The following STK31 variants were observed in gnomAD, a reference collection of about 807,000 sequenced individuals.
STK31 encodes the protein serine/threonine kinase 31.
Under a neutral mutation model 129.7 loss-of-function variants are expected in STK31, and 89 were observed. The ratio of observed to expected loss-of-function variants is 0.69; its 90% CI spans 0.58 to 0.82. STK31 has a LOEUF of 0.82. Ranked by LOEUF, STK31 falls within the 40% of genes least tolerant of loss-of-function variation. STK31 has a pLI of 0.00. For synonymous variants in STK31, 448 were observed against 395.3 expected, an observed-to-expected ratio of 1.13 and a Z score of -1.58; for missense variants, 1,187 against 1,176.4, an observed-to-expected ratio of 1.01 and a Z score of -0.13.
intron 22 of STK31, 148 bp from the exon 23 acceptor site, chr7:23,814,996 A>C: frequency 1.9e-6 from 1 of 520,936 alleles, no homozygotes; most frequent in Non-Finnish European, 3.3e-6. Flanking sequence ...ATTAGAATGA[A>C]AGTGCTTTTA....
intron 6 of STK31, among the ~76,000 whole-genome samples, chr7:23,734,664 G>C (rs1787613923): frequency 6.6e-6 from 1 of 152,128 alleles, no homozygotes; most frequent in African/African-American, 2.4e-5. Flanking sequence ...GTCTATTTAA[G>C]AGAGTTTTGA....
intron 22 of STK31, among the ~76,000 whole-genome samples, chr7:23,807,728 TG>T (rs1227337672): frequency 1.3e-5 from 2 of 151,940 alleles, no homozygotes; most frequent in African/African-American, 4.8e-5. Flanking sequence ...TTTATCAGGG[TG>T]TTTTTTTTTG....
Position 23,826,586 on chromosome 7 carries a change from T to C in STK31, c.2830-5550T>C, listed in dbSNP as rs1237233375. Among the ~76,000 whole-genome samples the C allele has an allele frequency of 1.1e-4, 16 of 152,360 alleles. No individual in the cohort carries two copies. In the East Asian group the frequency reaches 3.1e-3, roughly 29 times the overall value. On this transcript the variant is annotated intron_variant, in intron 23 of 23. Coordinates refer to ENST00000355870, the MANE Select transcript of STK31 (RefSeq NM_031414.5). ...GTCTGTGCCTTTTAATTGAAGCATT[T>C]AGCCCATTTACATTTAAGATTAATA... is the stretch of plus-strand genomic sequence containing the variant.
intron 22 of STK31, among the ~76,000 whole-genome samples, chr7:23,810,731 GATATATA>G (rs1793054353): frequency 1.6e-5 from 1 of 63,646 alleles, no homozygotes; most frequent in Non-Finnish European, 3.6e-5. Flanking sequence ...ATATAAAATA[GATATATA>G]TAAAATAGAT....
At position 23,737,078 on chromosome 7, in the gene STK31, G is replaced by A. The variant is rs781672719; in HGVS notation, c.1017G>A (p.Gln339=). Residue 339 remains glutamine, a splice_region_variant and synonymous_variant, in exon 8 of 24, where the codon CAG becomes CAA. Coordinates refer to ENST00000355870, the MANE Select transcript of STK31 (RefSeq NM_031414.5). ...TAGAGCAGATTGCCCAGGAGCTGCA[G>A]GTATGTTCAGTGGCTTAAGGTGAAG... ...LKVEQIAQEL[Q]QEKAAAVDLT... 6.2e-7 allele frequency: 1 copy of A among 1,600,608 alleles called. No individual in the cohort carries two copies. Among genetic ancestry groups the A allele is most frequent in the Admixed American group, 1.7e-5 (1 of 59,010 alleles).
intron 15 of STK31, among the ~76,000 whole-genome samples, chr7:23,780,013 G>A (rs948045362): frequency 6.6e-6 from 1 of 152,212 alleles, no homozygotes; most frequent in African/African-American, 2.4e-5. Context: ...GAAGACTGTT[G>A]GAAAAGCATA....
intron 23 of STK31, among the ~76,000 whole-genome samples, chr7:23,827,580 C>G (rs1794251724): frequency 2.6e-5 from 4 of 152,166 alleles, no homozygotes; most frequent in Non-Finnish European, 5.9e-5. Context: ...TCTTCTGAAG[C>G]CTTCCTCTCT....
intron 21 of STK31, among the ~76,000 whole-genome samples, chr7:23,789,191 T>G (rs188880094): frequency 1.3e-3 from 197 of 147,986 alleles, no homozygotes; most frequent in Non-Finnish European, 2.3e-3. Flanking sequence ...ATTTTGTTTA[T>G]ATATTCATCA....
chr7:23,755,219 G>A (rs1007486353), intron 10 of STK31: 1 of 152,086 alleles, frequency 6.6e-6, no homozygotes, highest in African/African-American at 2.4e-5. Context: ...ATCTTCTTGT[G>A]GTTTTGATTT....
At chr7:23,773,215 C>T (rs112018382) in intron 15 of STK31, among the ~76,000 whole-genome samples, 10,803 of 152,072 alleles carry the variant, frequency 0.071, 458 homozygotes, top group East Asian at 0.13. Flanking sequence ...CCCTGACAGG[C>T]CCAGTGTGTG....
intron 23 of STK31, among the ~76,000 whole-genome samples, chr7:23,821,856 T>C (rs1264386322): frequency 6.6e-6 from 1 of 152,138 alleles, no homozygotes; most frequent in Non-Finnish European, 1.5e-5. Flanking sequence ...GGTCTACTCT[T>C]ACTCTTTTGC....
At chr7:23,778,596 GA>G (rs1315799933) in intron 15 of STK31, among the ~76,000 whole-genome samples, 1 of 151,506 alleles carries the variant, frequency 6.6e-6, no homozygotes, top group Non-Finnish European at 1.5e-5. Context: ...TTCAATGTCT[GA>G]TATCCTTTCT....
In STK31 at chr7:23,717,532, G is replaced by A. The variant is rs773193165; in HGVS notation, c.202G>A (p.Val68Ile). 39 of 1,613,286 alleles carry A rather than the reference G, an allele frequency of 2.4e-5. No homozygotes were observed. In the South Asian group the frequency reaches 4.2e-4, roughly 17 times the overall value. The change falls in exon 4 of 24, where the codon GTT becomes ATT. Residue 68 changes from valine (V) to isoleucine (I), a missense_variant. Val to Ile is a conservative substitution (Grantham distance 29). This residue lies in a region of STK31 where 104 missense variants were observed against 98.3 expected (regional missense o/e 1.06). Transcript: ENST00000355870. ...GAAGATTGGTTGCTCACTGTCTGAA[G>A]TTTGCCCCCAGGCCAGTTCAGTTTT... ...IMKIGCSLSE[V>I]CPQASSVLGN... is the part of the protein sequence containing the mutation.
intron 6 of STK31, among the ~76,000 whole-genome samples, chr7:23,730,834 A>G (rs1314604643): frequency 1.4e-5 from 2 of 138,504 alleles, no homozygotes; most frequent in African/African-American, 5.2e-5. Flanking sequence ...GATTCTTTAT[A>G]TATGGTACTG....
At chr7:23,820,194 G>A (rs73086969) in intron 23 of STK31, among the ~76,000 whole-genome samples, 20,945 of 151,986 alleles carry the variant, frequency 0.14, 1,681 homozygotes, top group East Asian at 0.22. Context: ...AAGTACAGTC[G>A]TCCCTCTGTA....
At chr7:23,753,458 AC>A (rs1388393811) in intron 9 of STK31, among the ~76,000 whole-genome samples, 1 of 152,216 alleles carries the variant, frequency 6.6e-6, no homozygotes, top group Non-Finnish European at 1.5e-5. Flanking sequence ...AGATGTGGCC[AC>A]CTGCAACCCC....
Position 23,754,359 on chromosome 7 carries a change from C to G in STK31, c.1178C>G (p.Ala393Gly), listed in dbSNP as rs914517466. 4 of 1,613,884 alleles carry G rather than the reference C, an allele frequency of 2.5e-6. No individual in the cohort carries two copies. Among genetic ancestry groups the G allele is most frequent in the African/African-American group, 1.3e-5 (1 of 74,988 alleles). Residue 393 changes from alanine (A) to glycine (G), a missense_variant, in exon 10 of 24, where the codon GCT (alanine) becomes GGT (glycine). By Grantham distance (60) the Ala-to-Gly change is moderately conservative. Transcript: ENST00000355870. ...CGTTTCGGAAAAGACCTTTCAGATG[C>G]TATACAAGTGTTGGATGAAGGGTGC... ...SVRFGKDLSD[A>G]IQVLDEGCFT...
rs144732526 is a variant in STK31, at chr7:23,771,045, A to G, written c.1754A>G (p.Tyr585Cys). 1.1e-4 allele frequency: 177 copies of G among 1,612,628 alleles called. No individual in the cohort carries two copies. In the African/African-American group the frequency reaches 2.1e-3, roughly 19 times the overall value. ...DADKEIISNT[Y>C]SQVLQKIHSE... ...GACAAGGAGATAATTTCAAATACAT[A>G]TAGTCAAGTACTGCAAAAGATTCAT... is the stretch of plus-strand genomic sequence containing the variant. Residue 585 changes from tyrosine (Y) to cysteine (C), a missense_variant, in exon 14 of 24, where the codon TAT (tyrosine) becomes TGT (cysteine). Physicochemically the swap from Tyr to Cys is radical, Grantham distance 194 (BLOSUM62 -2). Coordinates refer to ENST00000355870, the MANE Select transcript of STK31 (RefSeq NM_031414.5).
At chr7:23,804,170 G>A (rs936327374) in intron 22 of STK31, among the ~76,000 whole-genome samples, 4 of 151,992 alleles carry the variant, frequency 2.6e-5, no homozygotes, top group Admixed American at 6.6e-5. Context: ...TTCCCACCTC[G>A]ATCTCCCAAA....
Sources: gnomAD v4.1 joint callset for allele counts (sites outside exome capture counted in the v4.1 genomes callset) on GRCh38, gnomAD v4.1.1 for gene constraint, gnomAD v4.1.1 regional missense constraint, MANE v1.5 for transcripts, NCBI Gene and HGNC (gene_info 2026-07-23, HGNC 2026-07-21) for gene names.